Variants in BMP6 observed in about 807,000 individuals in gnomAD.
BMP6 encodes the protein VG-1-R.
A neutral mutation model predicts 54.1 loss-of-function variants in BMP6; 17 were observed. The observed-to-expected ratio is 0.31, with a 90% confidence interval of 0.22 to 0.47. BMP6 has a LOEUF of 0.47. Among genes scored for constraint, BMP6 ranks in the 20% least tolerant of loss-of-function variants. BMP6 has a pLI of 1.00. For synonymous variants in BMP6, 328 were observed against 291.2 expected, an observed-to-expected ratio of 1.13 and a Z score of -1.28; for missense variants, 720 against 690.4, an observed-to-expected ratio of 1.04 and a Z score of -0.48.
intron 1 of BMP6, among the ~76,000 whole-genome samples, chr6:7,802,134 G>T (rs375063483): frequency 6.6e-6 from 1 of 152,184 alleles, no homozygotes; most frequent in South Asian, 2.1e-4. Flanking sequence ...AACCTTATGT[G>T]AGCCATTTAA....
At chr6:7,756,490 T>G (rs1211342588) in intron 1 of BMP6, among the ~76,000 whole-genome samples, 1 of 152,228 alleles carries the variant, frequency 6.6e-6, no homozygotes, top group Non-Finnish European at 1.5e-5. Context: ...TCTGTTTTTA[T>G]GGATTGATTT....
chr6:7,868,906 C>G (rs1759475090), intron 4 of BMP6, among the ~76,000 whole-genome samples: 1 of 152,030 alleles, frequency 6.6e-6, no homozygotes, highest in Admixed American at 6.6e-5. Context: ...CTCCCTCCTT[C>G]TCACCTGCTT....
intron 4 of BMP6, among the ~76,000 whole-genome samples, chr6:7,871,759 C>G (rs1428477450): frequency 6.6e-6 from 1 of 152,210 alleles, no homozygotes; most frequent in Non-Finnish European, 1.5e-5. Flanking sequence ...GGTCCCAAGA[C>G]AGACTTTGTG....
chr6:7,813,106 A>ATATATATATATATAT, intron 1 of BMP6, among the ~76,000 whole-genome samples: 1 of 33,966 alleles, frequency 2.9e-5, no homozygotes, highest in Non-Finnish European at 5.1e-5. Context: ...AAAAAAAAAA[A>ATATATATATATATAT]AAATATATAT....
chr6:7,803,024 C>G (rs908878722), intron 1 of BMP6, among the ~76,000 whole-genome samples: 1 of 152,136 alleles, frequency 6.6e-6, no homozygotes, highest in Non-Finnish European at 1.5e-5. Context: ...GAGACAAAAG[C>G]AAATCAACCT....
chr6:7,821,271 C>G (rs1289501239), intron 1 of BMP6, among the ~76,000 whole-genome samples: 1 of 152,196 alleles, frequency 6.6e-6, no homozygotes, highest in Non-Finnish European at 1.5e-5. Flanking sequence ...TCTCCTGTCC[C>G]CACCCAGGGG....
intron 2 of BMP6, among the ~76,000 whole-genome samples, chr6:7,852,574 C>T (rs1759160642): frequency 6.6e-6 from 1 of 152,074 alleles, no homozygotes. Flanking sequence ...AAGAACTTGT[C>T]TCAAAAAATT....
At position 7,726,976 on chromosome 6, in the gene BMP6, G is replaced by A. The variant is rs1256161125; in HGVS notation, c.21G>A (p.Arg7=). 5 of 1,136,222 alleles carry A rather than the reference G, an allele frequency of 4.4e-6. No individual in the cohort carries two copies. The highest frequency in any genetic ancestry group is 1.6e-5 in the African/African-American group (1 of 60,758). The allele number at this position is 1,136,222 out of a possible 1,614,324, so 70.4% of individuals were successfully genotyped here. A position where few individuals can be genotyped will look rare whatever the true frequency, so the allele number is the denominator to read the frequency against. MPGLGR[R]AQWLCWWWGL... is the part of the protein sequence containing the mutation. ...CGGGGATGCCGGGGCTGGGGCGGAG[G>A]GCGCAGTGGCTGTGCTGGTGGTGGG... Residue 7 remains arginine (R), a synonymous_variant, in exon 1 of 7, where the codon AGG becomes AGA. Coordinates refer to ENST00000283147, the MANE Select transcript of BMP6 (RefSeq NM_001718.6).
intron 1 of BMP6, among the ~76,000 whole-genome samples, chr6:7,804,382 CCTTT>C (rs930816988): frequency 5.3e-5 from 8 of 152,054 alleles, no homozygotes; most frequent in African/African-American, 9.7e-5. Context: ...CTTTCACACT[CCTTT>C]CTTTCTTTCT....
intron 2 of BMP6, among the ~76,000 whole-genome samples, chr6:7,855,592 T>C (rs1759215990): frequency 7.0e-6 from 1 of 143,734 alleles, no homozygotes; most frequent in Non-Finnish European, 1.5e-5. Flanking sequence ...AGATGAGTTG[T>C]GCTCTGTCGC....
At chr6:7,812,818 CGTG>C (rs969710972) in intron 1 of BMP6, among the ~76,000 whole-genome samples, 8 of 151,712 alleles carry the variant, frequency 5.3e-5, no homozygotes, top group African/African-American at 1.9e-4. Context: ...CTGAAAGTGC[CGTG>C]GTGACCTCAC....
intron 1 of BMP6, among the ~76,000 whole-genome samples, chr6:7,733,104 C>T (rs896894357): frequency 6.6e-6 from 1 of 151,994 alleles, no homozygotes; most frequent in Non-Finnish European, 1.5e-5. Flanking sequence ...TGGGGTTTCA[C>T]CATGTTGGCC....
chr6:7,810,095 T>C (rs920984989), intron 1 of BMP6, among the ~76,000 whole-genome samples: 3 of 152,214 alleles, frequency 2.0e-5, no homozygotes, highest in Non-Finnish European at 4.4e-5. Flanking sequence ...CTTATTTTCT[T>C]GGTTAATTGT....
chr6:7,775,003 T>TA (rs1433168075), intron 1 of BMP6, among the ~76,000 whole-genome samples: 1 of 152,138 alleles, frequency 6.6e-6, no homozygotes, highest in East Asian at 1.9e-4. Flanking sequence ...GGGCTGAACT[T>TA]ACTCTTTTAT....
At chr6:7,728,512 C>G (rs1159801403) in intron 1 of BMP6, among the ~76,000 whole-genome samples, 1 of 152,184 alleles carries the variant, frequency 6.6e-6, no homozygotes, top group Non-Finnish European at 1.5e-5. Flanking sequence ...CCTTTCTCCC[C>G]CCTCCCACCC....
intron 1 of BMP6, among the ~76,000 whole-genome samples, chr6:7,824,338 G>T (rs939695874): frequency 6.6e-6 from 1 of 152,180 alleles, no homozygotes; most frequent in African/African-American, 2.4e-5. Context: ...AGTAGCAGGG[G>T]TCTCCGTCCG....
intron 1 of BMP6, among the ~76,000 whole-genome samples, chr6:7,744,524 C>T (rs1757319152): frequency 6.6e-6 from 1 of 152,102 alleles, no homozygotes; most frequent in African/African-American, 2.4e-5. Flanking sequence ...AATAATTCTG[C>T]TTGCCTGCCA....
At chr6:7,779,992 G>A (rs1234964042) in intron 1 of BMP6, among the ~76,000 whole-genome samples, 1 of 152,204 alleles carries the variant, frequency 6.6e-6, no homozygotes, top group African/African-American at 2.4e-5. Context: ...TTACAGCTCC[G>A]GTTCACCTCA....
At chr6:7,831,602 A>G (rs1242341088) in intron 1 of BMP6, among the ~76,000 whole-genome samples, 1 of 152,198 alleles carries the variant, frequency 6.6e-6, no homozygotes, top group East Asian at 1.9e-4. Context: ...AATTGAAGTA[A>G]TTTGAGTAGA....
Sources: allele counts gnomAD v4.1 joint callset (sites outside exome capture counted in the v4.1 genomes callset), GRCh38; gene constraint gnomAD v4.1.1; transcripts MANE v1.5; gene names NCBI Gene and HGNC (gene_info 2026-07-23, HGNC 2026-07-21).